Variants in RIBC2 observed in about 807,000 individuals in gnomAD.
RIBC2 encodes RIB43A domain with coiled-coils 2, also known as RIB43A-like with coiled-coils protein 2.
In RIBC2, 40 loss-of-function variants were observed where a neutral mutation model predicts 44.3. The ratio of observed to expected loss-of-function variants is 0.90; its 90% CI spans 0.70 to 1.18. RIBC2 has a LOEUF of 1.18. Ranked by LOEUF, RIBC2 falls within the 50% of genes most tolerant of loss-of-function variation. RIBC2 has a pLI of 0.00. For missense variants in RIBC2, 459 were observed against 485.5 expected (o/e 0.95, Z 0.51); for synonymous variants, 171 against 175.0 (o/e 0.98, Z 0.18).
rs747101986 is a variant in RIBC2 at position 45,417,958 on chromosome 22, G to A, written c.556+12G>A. 2.4e-5 allele frequency: 37 copies of A among 1,538,994 alleles called. No homozygotes were observed. The highest frequency in any genetic ancestry group is 3.1e-5 in the Non-Finnish European group (35 of 1,136,690). On this transcript the variant is annotated intron_variant, in intron 3 of 6. Coordinates refer to ENST00000614167, the MANE Select transcript of RIBC2 (RefSeq NM_015653.5). ...ACAAAAATGCGCAGGTAATGAAACA[G>A]AAGAGACGAGCTGGTCTCAACGCTC...
chr22:45,429,762 G>A (rs1292873919), intron 5 of RIBC2, among the ~76,000 whole-genome samples: 1 of 152,134 alleles, frequency 6.6e-6, no homozygotes, highest in Non-Finnish European at 1.5e-5. Context: ...GAGATCGGCC[G>A]GCCATCCTGA....
intron 3 of RIBC2, among the ~76,000 whole-genome samples, chr22:45,418,940 A>C (rs991692780): frequency 6.6e-6 from 1 of 152,124 alleles, no homozygotes; most frequent in Non-Finnish European, 1.5e-5. Flanking sequence ...TTTGACCTTC[A>C]TCTGGACCTA....
chr22:45,414,485 C>T (rs774992568), intron 2 of RIBC2, 82 bp downstream of exon 2: 4 of 906,526 alleles, frequency 4.4e-6, no homozygotes, highest in African/African-American at 3.6e-5. Context: ...CCCCCTGCCC[C>T]GCCTTTTTTT....
At chr22:45,425,763 G>A (rs1038959135) in intron 4 of RIBC2, among the ~76,000 whole-genome samples, 185 bp from the exon 5 acceptor site, 16 of 152,094 alleles carry the variant, frequency 1.1e-4, no homozygotes, top group African/African-American at 3.9e-4. Context: ...GCCCAGCAGT[G>A]CGCAGGCAGC....
At chr22:45,428,894 A>T (rs937544388) in intron 5 of RIBC2, among the ~76,000 whole-genome samples, 1 of 152,168 alleles carries the variant, frequency 6.6e-6, no homozygotes, top group Non-Finnish European at 1.5e-5. Flanking sequence ...GTCCCCCACC[A>T]TGCTTAGCCA....
At chr22:45,431,185 C>A in intron 6 of RIBC2, 119 bp downstream of exon 6, 1 of 1,215,728 alleles carries the variant, frequency 8.2e-7, no homozygotes, top group Non-Finnish European at 1.1e-6. Flanking sequence ...TGGTCCTCAT[C>A]TGGACACTGT....
At position 45,426,162 on chromosome 22, in the gene RIBC2, T is replaced by A; in HGVS notation, c.890T>A (p.Ile297Asn). 6.2e-7 allele frequency: 1 copy of A among 1,613,450 alleles called. No individual in the cohort carries two copies. The highest frequency in any genetic ancestry group is 8.5e-7 in the Non-Finnish European group (1 of 1,179,896). The change falls in exon 5 of 7, where the codon ATC (isoleucine) becomes AAC (asparagine). Residue 297 changes from isoleucine to asparagine, a missense_variant. Ile to Asn is a moderately radical substitution (Grantham distance 149). Coordinates refer to ENST00000614167, the MANE Select transcript of RIBC2 (RefSeq NM_015653.5). ...EQIRLVQKQQ[I>N]QEKLRLQEEK... Reference sequence around the variant, plus strand: ...ATCCGCCTAGTCCAGAAGCAGCAAATCCAGGAGAAGCTGGTGACTGCCCCG... The same window carrying A: ...ATCCGCCTAGTCCAGAAGCAGCAAAACCAGGAGAAGCTGGTGACTGCCCCG...
chr22:45,425,911 A>T, intron 4 of RIBC2, 37 bp from the exon 5 acceptor site: 3 of 1,570,366 alleles, frequency 1.9e-6, no homozygotes, highest in Non-Finnish European at 2.6e-6. Flanking sequence ...CCCTGGGGTC[A>T]CTCGGACCAT....
intron 6 of RIBC2, among the ~76,000 whole-genome samples, chr22:45,431,547 A>G (rs2087580385): frequency 2.0e-5 from 3 of 152,224 alleles, no homozygotes; most frequent in Admixed American, 2.0e-4. Flanking sequence ...CACAGTATTT[A>G]TTTACTTATT....
chr22:45,431,530 T>C (rs966576480), intron 6 of RIBC2, among the ~76,000 whole-genome samples: 4 of 152,244 alleles, frequency 2.6e-5, no homozygotes, highest in Admixed American at 2.0e-4. Context: ...AACTTGCACC[T>C]GAAAAACACA....
At chr22:45,419,891 T>C (rs2087461358) in intron 3 of RIBC2, among the ~76,000 whole-genome samples, 1 of 152,028 alleles carries the variant, frequency 6.6e-6, no homozygotes, top group Non-Finnish European at 1.5e-5. Context: ...CCGGGAGTGG[T>C]GGCGGGTGCC....
intron 3 of RIBC2, among the ~76,000 whole-genome samples, chr22:45,418,925 C>T (rs2087451687): frequency 6.6e-6 from 1 of 152,148 alleles, no homozygotes; most frequent in Admixed American, 6.5e-5. Context: ...AATCCAAGGT[C>T]GGTTTTTGAC....
intron 4 of RIBC2, among the ~76,000 whole-genome samples, chr22:45,424,517 T>C (rs1021502084): frequency 6.6e-6 from 1 of 152,220 alleles, no homozygotes; most frequent in Non-Finnish European, 1.5e-5. Context: ...CTTGCTGGGA[T>C]AAGAAGCAGC....
At chr22:45,426,380 A>G (rs1188537228) in intron 5 of RIBC2, among the ~76,000 whole-genome samples, 1 of 152,246 alleles carries the variant, frequency 6.6e-6, no homozygotes, top group East Asian at 1.9e-4. Flanking sequence ...GTGCCAAGAT[A>G]GAGGACAGTA....
chr22:45,423,208 C>T (rs112352212), intron 4 of RIBC2, among the ~76,000 whole-genome samples: 3 of 152,074 alleles, frequency 2.0e-5, no homozygotes, highest in African/African-American at 7.2e-5. Context: ...GTCTCAAACT[C>T]CTGAGCTCAA....
intron 2 of RIBC2, among the ~76,000 whole-genome samples, chr22:45,416,905 T>G (rs1032110596): frequency 6.7e-6 from 1 of 150,154 alleles, no homozygotes. Context: ...TCAGGTTTTT[T>G]TTTTTTTTTT....
chr22:45,415,090 G>A (rs2087408583), intron 2 of RIBC2, among the ~76,000 whole-genome samples: 1 of 150,996 alleles, frequency 6.6e-6, no homozygotes, highest in African/African-American at 2.4e-5. Context: ...TTCAACAATT[G>A]TTGAAATTTC....
rs1404591331 is a variant in RIBC2, at chr22:45,431,064, G to A, written c.1068G>A (p.Leu356=). ...TCAGCCTGGCCAAGGAGCAGCATTT[G>A]CAGTGAGTGCTGGGTGGGACCAGGG... The part of the protein sequence containing the change: ...SNLSLAKEQH[L]QKKYMNEVYT... The change falls in exon 6 of 7, where the codon TTG becomes TTA. Residue 356 remains leucine, a splice_region_variant and synonymous_variant. Transcript: ENST00000614167. 1 of 1,570,306 alleles carries A rather than the reference G, an allele frequency of 6.4e-7. No individual in the cohort carries two copies. The highest frequency in any genetic ancestry group is 8.6e-7 in the Non-Finnish European group (1 of 1,157,696).
Position 45,422,317 on chromosome 22 carries a change from A to C in RIBC2, c.584A>C (p.Gln195Pro). 1 of 1,614,166 alleles carries C rather than the reference A, an allele frequency of 6.2e-7. No homozygotes were observed. The highest frequency in any genetic ancestry group is 8.5e-7 in the Non-Finnish European group (1 of 1,179,978). Residue 195 changes from glutamine (Q) to proline (P), a missense_variant, in exon 4 of 7, where the codon CAG (glutamine) becomes CCG (proline). Transcript: ENST00000614167. The part of the protein sequence containing the change: ...AEALYTETRL[Q>P]FDETAKHLQK... Reference sequence around the variant, plus strand: ...GCCCTCTACACAGAGACAAGGCTGCAGTTTGACGAGACAGCCAAGCACCTC... The same window carrying C: ...GCCCTCTACACAGAGACAAGGCTGCCGTTTGACGAGACAGCCAAGCACCTC...
Sources: allele counts gnomAD v4.1 joint callset (sites outside exome capture counted in the v4.1 genomes callset), GRCh38; gene constraint gnomAD v4.1.1; transcripts MANE v1.5; gene names NCBI Gene and HGNC (gene_info 2026-07-23, HGNC 2026-07-21).